NTRK3: variants seen among roughly 807,000 people sequenced by gnomAD.
The protein encoded by NTRK3 is neurotrophic receptor tyrosine kinase 3, also known as NT-3 growth factor receptor.
In NTRK3, 24 loss-of-function variants were observed where a neutral mutation model predicts 91.7. The ratio of observed to expected loss-of-function variants is 0.26; its 90% CI spans 0.19 to 0.37. NTRK3 has a LOEUF of 0.37. Ranked by LOEUF, NTRK3 falls within the 10% of genes least tolerant of loss-of-function variation. The pLI is 1.00. For missense variants in NTRK3, 880 were observed against 1,068.9 expected (o/e 0.82, Z 2.46); for synonymous variants, 483 against 404.0 (o/e 1.20, Z -2.34).
chr15:88,182,682 C>G (rs1206689633), intron 5 of NTRK3, among the ~76,000 whole-genome samples: 1 of 152,176 alleles, frequency 6.6e-6, no homozygotes, highest in African/African-American at 2.4e-5. Flanking sequence ...GGCACTTCCC[C>G]TAATCACTCA....
At chr15:88,068,269 T>C (rs1468245511) in intron 13 of NTRK3, among the ~76,000 whole-genome samples, 3 of 151,934 alleles carry the variant, frequency 2.0e-5, no homozygotes, top group Non-Finnish European at 1.5e-5. Context: ...ACATCTCTAC[T>C]AAAAACATAA....
chr15:87,995,452 G>T (rs2075618675), intron 14 of NTRK3, among the ~76,000 whole-genome samples: 1 of 152,198 alleles, frequency 6.6e-6, no homozygotes, highest in African/African-American at 2.4e-5. Context: ...GATAGGAAGA[G>T]AAGTTATTCC....
At chr15:87,870,834 T>C (rs2064810609) in exon 19 of NTRK3, 1 of 225,026 alleles carries the variant, frequency 4.4e-6, no homozygotes, top group Non-Finnish European at 8.8e-6. Context: ...TTGATACATC[T>C]TCTATTAGAA....
At chr15:88,187,811 G>A (rs1180741025) in intron 3 of NTRK3, among the ~76,000 whole-genome samples, 8 of 151,834 alleles carry the variant, frequency 5.3e-5, no homozygotes, top group African/African-American at 1.9e-4. Context: ...GTGGGCGCCT[G>A]TAATCCCAAC....
chr15:88,111,938 A>C (rs1292837813), intron 13 of NTRK3, among the ~76,000 whole-genome samples: 1 of 141,896 alleles, frequency 7.0e-6, no homozygotes, highest in Non-Finnish European at 1.5e-5. Flanking sequence ...ACAGAGTCTC[A>C]CTCTGTCACC....
At chr15:88,136,851 G>A (rs1262633853) in intron 7 of NTRK3, among the ~76,000 whole-genome samples, 1 of 152,216 alleles carries the variant, frequency 6.6e-6, no homozygotes, top group Non-Finnish European at 1.5e-5. Context: ...GCAGGTTGCG[G>A]GGTGGGGGCA....
chr15:88,149,072 G>T (rs996906538), intron 5 of NTRK3, among the ~76,000 whole-genome samples: 1 of 152,208 alleles, frequency 6.6e-6, no homozygotes, highest in Non-Finnish European at 1.5e-5. Flanking sequence ...TTGCCTGCTG[G>T]ATTCCTGGGT....
chr15:88,010,153 G>C (rs1431769851), intron 14 of NTRK3, among the ~76,000 whole-genome samples: 1 of 152,098 alleles, frequency 6.6e-6, no homozygotes, highest in Admixed American at 6.5e-5. Context: ...CCTCACCCCT[G>C]TAGTCCAGGC....
chr15:87,863,633 C>G (rs914694587), exon 19 of NTRK3: 6 of 223,376 alleles, frequency 2.7e-5, no homozygotes, highest in African/African-American at 4.5e-5. Flanking sequence ...TGGTAGCTCT[C>G]CCAAAATTCC....
chr15:88,124,618 A>G (rs1254466439), intron 13 of NTRK3, among the ~76,000 whole-genome samples: 1 of 152,190 alleles, frequency 6.6e-6, no homozygotes, highest in African/African-American at 2.4e-5. Context: ...ACAGGCAATA[A>G]TAGTGCCAGT....
intron 10 of NTRK3, among the ~76,000 whole-genome samples, chr15:88,134,777 A>G (rs1319595784): frequency 6.6e-6 from 1 of 152,246 alleles, no homozygotes; most frequent in Non-Finnish European, 1.5e-5. Flanking sequence ...TATCAGGCCC[A>G]GAGTCTCCCC....
chr15:88,098,909 T>C, intron 13 of NTRK3: 1 of 232,644 alleles, frequency 4.3e-6, no homozygotes, highest in African/African-American at 2.2e-5. Context: ...ATGCAAAAAA[T>C]CTGTAGGTTT....
At chr15:88,079,506 C>T (rs935316519) in intron 13 of NTRK3, among the ~76,000 whole-genome samples, 8 of 152,186 alleles carry the variant, frequency 5.3e-5, no homozygotes, top group African/African-American at 1.4e-4. Flanking sequence ...CTGGCAGGCA[C>T]GTGCTCTCAG....
intron 13 of NTRK3, among the ~76,000 whole-genome samples, chr15:88,123,046 T>C (rs939401042): frequency 1.3e-5 from 2 of 152,158 alleles, no homozygotes; most frequent in African/African-American, 4.8e-5. Context: ...TTTTACTAAA[T>C]ATTGTGCAGG....
chr15:88,048,646 T>C (rs1443634407), intron 13 of NTRK3, among the ~76,000 whole-genome samples: 1 of 152,230 alleles, frequency 6.6e-6, no homozygotes, highest in East Asian at 1.9e-4. Flanking sequence ...ACTGAATATC[T>C]GGCCCCTCCT....
At chr15:88,069,923 C>T (rs1459799951) in intron 13 of NTRK3, among the ~76,000 whole-genome samples, 2 of 152,124 alleles carry the variant, frequency 1.3e-5, no homozygotes, top group African/African-American at 4.8e-5. Flanking sequence ...ACTCACAGGT[C>T]GCTGTTGAGA....
At chr15:88,189,229 A>G (rs566957157) in intron 3 of NTRK3, among the ~76,000 whole-genome samples, 1 of 152,244 alleles carries the variant, frequency 6.6e-6, no homozygotes, top group East Asian at 1.9e-4. Context: ...GCAATTCTAA[A>G]AAATCAGTCT....
chr15:88,067,526 A>C (rs1391883522), intron 13 of NTRK3, among the ~76,000 whole-genome samples: 1 of 152,146 alleles, frequency 6.6e-6, no homozygotes, highest in Non-Finnish European at 1.5e-5. Flanking sequence ...ATGTGATTCT[A>C]CACGTGCTCA....
chr15:88,091,763 G>A (rs764961217), intron 13 of NTRK3, among the ~76,000 whole-genome samples: 8 of 152,184 alleles, frequency 5.3e-5, no homozygotes, highest in African/African-American at 7.2e-5. Context: ...TGAGGGAAGC[G>A]GTAAATGTTC....
Sources: gnomAD v4.1 joint callset for allele counts (sites outside exome capture counted in the v4.1 genomes callset) on GRCh38, gnomAD v4.1.1 for gene constraint, MANE v1.5 for transcripts, NCBI Gene and HGNC (gene_info 2026-07-23, HGNC 2026-07-21) for gene names.